The following LAMTOR3 variants were observed in gnomAD, a reference collection of about 807,000 sequenced individuals.
LAMTOR3 encodes the protein late endosomal/lysosomal adaptor, MAPK and MTOR activator 3, also known as ragulator complex protein LAMTOR3.
A neutral mutation model predicts 20.3 loss-of-function variants in LAMTOR3; 14 were observed. That is an observed-to-expected ratio of 0.69 (90% CI 0.46 to 1.08). LAMTOR3 has a LOEUF of 1.08. LAMTOR3 is among the 50% of genes least tolerant of loss of function. The pLI is 0.00. For missense variants in LAMTOR3, 125 were observed against 143.7 expected, an observed-to-expected ratio of 0.87 and a Z score of 0.67; for synonymous variants, 40 against 49.4, an observed-to-expected ratio of 0.81 and a Z score of 0.80.
chr4:99,885,799 A>C, intron 4 of LAMTOR3, 124 bp from the exon 5 acceptor site: 1 of 801,562 alleles, frequency 1.2e-6, no homozygotes, highest in East Asian at 2.9e-5. Flanking sequence ...CAATATTGAA[A>C]ATCATATCAC....
At chr4:99,891,246 T>C (rs1225487487) in intron 3 of LAMTOR3, among the ~76,000 whole-genome samples, 2 of 152,194 alleles carry the variant, frequency 1.3e-5, no homozygotes, top group Non-Finnish European at 2.9e-5. Flanking sequence ...GCCCTTTCAT[T>C]ACGCTAAGGT....
chr4:99,894,297 G>A, intron 1 of LAMTOR3, 38 bp downstream of exon 1: 1 of 286,408 alleles, frequency 3.5e-6, no homozygotes, highest in Non-Finnish European at 6.5e-6. Flanking sequence ...CCACCTGCGG[G>A]ACTAGGCCTC....
At chr4:99,892,925 C>T (rs953484748) in intron 2 of LAMTOR3, among the ~76,000 whole-genome samples, 5 of 152,174 alleles carry the variant, frequency 3.3e-5, no homozygotes, top group African/African-American at 1.2e-4. Flanking sequence ...GGTGATCCAC[C>T]CGCCTTGGCC....
At chr4:99,893,652 A>C (rs879414502) in intron 2 of LAMTOR3, among the ~76,000 whole-genome samples, 5 of 152,204 alleles carry the variant, frequency 3.3e-5, no homozygotes. Context: ...TCAGAATTTC[A>C]AATGGTAAAT....
chr4:99,886,856 T>C (rs751119440), intron 4 of LAMTOR3, among the ~76,000 whole-genome samples: 29 of 152,180 alleles, frequency 1.9e-4, no homozygotes, highest in Non-Finnish European at 3.5e-4. Context: ...TGTTTACTTA[T>C]GATCCAAATA....
chr4:99,887,022 C>T (rs543179740), intron 4 of LAMTOR3, among the ~76,000 whole-genome samples: 5 of 152,052 alleles, frequency 3.3e-5, no homozygotes, highest in Non-Finnish European at 5.9e-5. Flanking sequence ...TAATGGTTTA[C>T]GTTACACTGT....
At position 99,890,025 on chromosome 4, in the gene LAMTOR3, G is replaced by A. The variant is rs371706798; in HGVS notation, c.44+1975C>T. ...CTGTTTTCAATTCTACATACAATGC[G>A]CAAAGAGTAATATAAATAGAATTTA... On this transcript the variant is annotated intron_variant, in intron 3 of 6. Transcript: ENST00000499666. 2.0e-4 allele frequency among the ~76,000 whole-genome samples: 31 copies of A among 152,120 alleles called. No individual in the cohort carries two copies. The South Asian group carries it at 5.8e-3, about 28-fold the overall frequency.
At position 99,884,048 on chromosome 4, in the gene LAMTOR3, GTCAT is replaced by G. The variant is rs749802468; in HGVS notation, c.301+10_301+13del. On this transcript the variant is annotated intron_variant, in intron 6 of 6. Coordinates refer to ENST00000499666, the MANE Select transcript of LAMTOR3 (RefSeq NM_021970.4). ...ATTAAGGATTAAAGTGATATTTAAG[GTCAT>G]TAAACACACCTGTATTGGCACTGCT... 6 of 1,547,362 alleles carry G rather than the reference GTCAT, an allele frequency of 3.9e-6. No homozygotes were observed. The highest frequency in any genetic ancestry group is 5.3e-6 in the Non-Finnish European group (6 of 1,123,206).
intron 4 of LAMTOR3, 32 bp from the exon 5 acceptor site, chr4:99,885,707 T>C (rs1421706143): frequency 6.3e-7 from 1 of 1,592,944 alleles, no homozygotes; most frequent in Non-Finnish European, 8.6e-7. Flanking sequence ...ATAAAAATTA[T>C]GCAGAGGATA....
Position 99,878,951 on chromosome 4 carries a change from C to G in LAMTOR3, c.*3043G>C, listed in dbSNP as rs1724765272. Reference sequence around the variant, plus strand: ...CAAAGAATATACTTGTAAATACATACTTTTGCACATCTATGTGCTTTGTTT... The same window carrying G: ...CAAAGAATATACTTGTAAATACATAGTTTTGCACATCTATGTGCTTTGTTT... On this transcript the variant is annotated 3_prime_UTR_variant, in exon 7 of 7. Coordinates refer to ENST00000499666, the MANE Select transcript of LAMTOR3 (RefSeq NM_021970.4). The G allele has an allele frequency of 6.6e-6, 1 of 152,182 alleles. No homozygotes were observed. Among genetic ancestry groups the G allele is most frequent in the Admixed American group, 6.5e-5 (1 of 15,282 alleles). The allele number at this position is 152,182 out of a possible 1,614,324, so 9.4% of individuals were successfully genotyped here.
At chr4:99,883,791 A>C (rs1472334892) in intron 6 of LAMTOR3, among the ~76,000 whole-genome samples, 1 of 152,006 alleles carries the variant, frequency 6.6e-6, no homozygotes, top group Non-Finnish European at 1.5e-5. Flanking sequence ...AAAAAAAAAA[A>C]AAAAATCACT....
At chr4:99,890,413 C>G (rs1185493319) in intron 3 of LAMTOR3, among the ~76,000 whole-genome samples, 1 of 152,164 alleles carries the variant, frequency 6.6e-6, no homozygotes, top group African/African-American at 2.4e-5. Context: ...TACTGAGAGG[C>G]ACTGAGGTAC....
chr4:99,894,083 T>C (rs1725076048), intron 1 of LAMTOR3, 83 bp from the exon 2 acceptor site: 2 of 903,436 alleles, frequency 2.2e-6, no homozygotes, highest in Non-Finnish European at 3.2e-6. Flanking sequence ...AGATCAGCCC[T>C]GGTCAGAACC....
At chr4:99,886,038 C>T (rs1440523259) in intron 4 of LAMTOR3, among the ~76,000 whole-genome samples, 2 of 152,174 alleles carry the variant, frequency 1.3e-5, no homozygotes, top group Non-Finnish European at 2.9e-5. Context: ...AACTTCTGCT[C>T]TTATAAAACC....
intron 1 of LAMTOR3, 64 bp from the exon 2 acceptor site, chr4:99,894,064 T>A: frequency 9.3e-7 from 1 of 1,075,962 alleles, no homozygotes. Context: ...ACCCACAACT[T>A]AATACGCGAG....
At chr4:99,883,578 T>C (rs1248648097) in intron 6 of LAMTOR3, among the ~76,000 whole-genome samples, 2 of 152,036 alleles carry the variant, frequency 1.3e-5, no homozygotes, top group Non-Finnish European at 2.9e-5. Context: ...ACTATGTTCA[T>C]CCTATTCATG....
Position 99,879,772 on chromosome 4 carries a change from A to G in LAMTOR3, c.*2222T>C, listed in dbSNP as rs1724785870. 1 of 151,760 alleles carries G rather than the reference A, an allele frequency of 6.6e-6. No homozygotes were observed. The highest frequency in any genetic ancestry group is 2.4e-5 in the African/African-American group (1 of 41,252). 9.4% of individuals were successfully genotyped at this position (151,760 alleles called of 1,614,324 possible). A position where few individuals can be genotyped will look rare whatever the true frequency, so the allele number is the denominator to read the frequency against. On this transcript the variant is annotated 3_prime_UTR_variant, in exon 7 of 7. Transcript: ENST00000499666. Reference sequence around the variant, plus strand: ...CCTAGGCTATATGGTATAGCCTACTACTACATACCTAGGCTATATGGTATA... The same window carrying G: ...CCTAGGCTATATGGTATAGCCTACTGCTACATACCTAGGCTATATGGTATA...
intron 6 of LAMTOR3, 65 bp from the exon 7 acceptor site, chr4:99,882,132 T>A: frequency 3.2e-6 from 3 of 939,896 alleles, no homozygotes; most frequent in Non-Finnish European, 4.9e-6. Context: ...GAAACTCAGA[T>A]TTCCTTATGT....
Position 99,879,663 on chromosome 4 carries a change from A to G in LAMTOR3, c.*2331T>C, listed in dbSNP as rs1724782605. 1 of 152,066 alleles carries G rather than the reference A, an allele frequency of 6.6e-6. No individual in the cohort carries two copies. The highest frequency in any genetic ancestry group is 1.5e-5 in the Non-Finnish European group (1 of 68,012). 9.4% of individuals were successfully genotyped at this position (152,066 alleles called of 1,614,324 possible). On this transcript the variant is annotated 3_prime_UTR_variant, in exon 7 of 7. Transcript: ENST00000499666. Reference sequence around the variant, plus strand: ...TAACAATGTGGATACATTTCGAGACATGCTTTGTTAGGTGATTTCATCATT... The same window carrying G: ...TAACAATGTGGATACATTTCGAGACGTGCTTTGTTAGGTGATTTCATCATT...
Sources: gnomAD v4.1 joint callset for allele counts (sites outside exome capture counted in the v4.1 genomes callset) on GRCh38, gnomAD v4.1.1 for gene constraint, MANE v1.5 for transcripts, NCBI Gene and HGNC (gene_info 2026-07-23, HGNC 2026-07-21) for gene names.